Variants in EIF3K observed in about 807,000 individuals in gnomAD.
The protein encoded by EIF3K is eukaryotic translation initiation factor 3 subunit K, also known as eIF-3 p28.
In EIF3K, 27 loss-of-function variants were observed where a neutral mutation model predicts 34.2. The ratio of observed to expected loss-of-function variants is 0.79; its 90% confidence interval spans 0.58 to 1.09. The LOEUF is 1.09. Among genes scored for constraint, EIF3K ranks in the 50% least tolerant of loss-of-function variants. The pLI, the probability that EIF3K is intolerant of heterozygous loss-of-function variation, is 0.00. For missense variants in EIF3K, 232 were observed against 275.4 expected, an observed-to-expected ratio of 0.84 and a Z score of 1.11; for synonymous variants, 105 against 105.7, an observed-to-expected ratio of 0.99 and a Z score of 0.04.
At chr19:38,635,150 G>A (rs1471581322) in intron 7 of EIF3K, 32 bp downstream of exon 7, 2 of 1,613,814 alleles carry the variant, frequency 1.2e-6, no homozygotes, top group Non-Finnish European at 8.5e-7. Context: ...CGGGCTTTGG[G>A]GCTAAGGGGG....
chr19:38,620,267 C>T (rs1241362583), intron 1 of EIF3K, 70 bp from the exon 2 acceptor site: 1 of 1,333,430 alleles, frequency 7.5e-7, no homozygotes, highest in Non-Finnish European at 1.1e-6. Context: ...TACAGTGGCC[C>T]CTTGCTCCAT....
chr19:38,631,340 G>GCA (rs1308270642), intron 4 of EIF3K, among the ~76,000 whole-genome samples: 1 of 152,188 alleles, frequency 6.6e-6, no homozygotes, highest in African/African-American at 2.4e-5. Context: ...CGGAGAGGGG[G>GCA]ATGTGGCAGG....
intron 2 of EIF3K, among the ~76,000 whole-genome samples, chr19:38,623,018 A>C (rs1975876133): frequency 6.6e-6 from 1 of 152,188 alleles, no homozygotes; most frequent in Non-Finnish European, 1.5e-5. Context: ...TTTTGTAGTT[A>C]ACGCAATTAT....
chr19:38,630,347 A>ATTTTTTTTTTT (rs71165567), intron 4 of EIF3K, among the ~76,000 whole-genome samples: 1 of 124,332 alleles, frequency 8.0e-6, no homozygotes. Flanking sequence ...TTATTTATTT[A>ATTTTTTTTTTT]TTTTTTTTTT....
intron 2 of EIF3K, among the ~76,000 whole-genome samples, 194 bp downstream of exon 2, chr19:38,620,629 C>T (rs1975818957): frequency 6.6e-6 from 1 of 152,194 alleles, no homozygotes; most frequent in Admixed American, 6.5e-5. Context: ...CGCGGTGACT[C>T]ACGCCTGTTA....
chr19:38,623,003 G>A (rs993014174), intron 2 of EIF3K, among the ~76,000 whole-genome samples: 2 of 152,204 alleles, frequency 1.3e-5, no homozygotes, highest in South Asian at 2.1e-4. Flanking sequence ...CACATGTTGT[G>A]CAATTTTTGT....
At chr19:38,625,004 A>G (rs1975919295) in intron 3 of EIF3K, among the ~76,000 whole-genome samples, 2 of 152,118 alleles carry the variant, frequency 1.3e-5, no homozygotes, top group South Asian at 2.1e-4. Flanking sequence ...CATCTAAAAC[A>G]TAACGAGTTA....
intron 4 of EIF3K, chr19:38,626,451 C>T (rs915849975): frequency 3.8e-6 from 1 of 260,628 alleles, no homozygotes; most frequent in Non-Finnish European, 7.4e-6. Flanking sequence ...GCCAGGAGTT[C>T]CAGACCAGCC....
At position 38,626,070 on chromosome 19, in the gene EIF3K, C is replaced by G. The variant is rs1178291396; in HGVS notation, c.322C>G (p.Leu108Val). The G allele has an allele frequency of 6.2e-7, 1 of 1,614,080 alleles. No individual in the cohort carries two copies. The highest frequency in any genetic ancestry group is 1.3e-5 in the African/African-American group (1 of 74,936). Residue 108 changes from leucine to valine, a missense_variant, in exon 4 of 8, where the codon CTG becomes GTG. By Grantham distance (32) the Leu-to-Val change is conservative. Coordinates refer to ENST00000248342, the MANE Select transcript of EIF3K (RefSeq NM_013234.4). ...PIRQILYLGD[L>V]LETCHFQAFW... ...CCGACAGATTTTGTACCTCGGGGAC[C>G]TGCTGGAGACCTGCCATTTCCAGGC... is the stretch of plus-strand genomic sequence containing the variant.
At chr19:38,628,950 A>G (rs1298379228) in intron 4 of EIF3K, among the ~76,000 whole-genome samples, 1 of 151,768 alleles carries the variant, frequency 6.6e-6, no homozygotes. Context: ...TCTCACCTCA[A>G]CTTATGATCT....
chr19:38,630,339 A>ATTTTTTTTTTTT (rs1489845622), intron 4 of EIF3K, among the ~76,000 whole-genome samples: 10 of 136,562 alleles, frequency 7.3e-5, no homozygotes, highest in Admixed American at 1.5e-4. Flanking sequence ...TTATTTATTT[A>ATTTTTTTTTTTT]TTTATTTATT....
At chr19:38,619,547 A>G (rs1975792498) in intron 1 of EIF3K, among the ~76,000 whole-genome samples, 1 of 152,156 alleles carries the variant, frequency 6.6e-6, no homozygotes, top group African/African-American at 2.4e-5. Flanking sequence ...GGGTCGCCTG[A>G]GCCCAGGAGT....
chr19:38,628,431 GCTCACCCCC>G (rs2144772544), intron 4 of EIF3K: 1 of 152,500 alleles, frequency 6.6e-6, no homozygotes, highest in African/African-American at 2.4e-5. Context: ...TAGCTTCTCA[GCTCACCCCC>G]ACAGGGTCTC....
intron 3 of EIF3K, 107 bp downstream of exon 3, chr19:38,624,304 C>T: frequency 2.0e-6 from 3 of 1,523,824 alleles, no homozygotes; most frequent in South Asian, 2.4e-5. Flanking sequence ...ACAACAAGTG[C>T]CTGCTCTGGT....
At chr19:38,624,363 A>G (rs1051183818) in intron 3 of EIF3K, among the ~76,000 whole-genome samples, 166 bp downstream of exon 3, 1 of 152,146 alleles carries the variant, frequency 6.6e-6, no homozygotes. Flanking sequence ...TGACTGAGAC[A>G]GTCCTGGGCC....
chr19:38,626,263 G>C, intron 4 of EIF3K, 161 bp downstream of exon 4: 1 of 690,800 alleles, frequency 1.4e-6, no homozygotes, highest in African/African-American at 1.8e-5. Flanking sequence ...CGCGGAGCAG[G>C]TACTCACAGG....
At position 38,619,204 on chromosome 19, in the gene EIF3K, C is replaced by A. The variant is rs1241787613; in HGVS notation, c.-65C>A. ...TTCCACCACCTCTTCCTGTTCCCGT[C>A]CTTGAGGACGCCGTGCCGGGTCAGT... On this transcript the variant is annotated 5_prime_UTR_variant, in exon 1 of 8. Coordinates refer to ENST00000248342, the MANE Select transcript of EIF3K (RefSeq NM_013234.4). The A allele has an allele frequency of 1.0e-5, 16 of 1,581,368 alleles. No individual in the cohort carries two copies. Among genetic ancestry groups the A allele is most frequent in the Middle Eastern group, 1.7e-4 (1 of 6,016 alleles).
chr19:38,635,251 C>T, intron 7 of EIF3K, 133 bp downstream of exon 7: 1 of 1,319,810 alleles, frequency 7.6e-7, no homozygotes, highest in Non-Finnish European at 1.1e-6. Context: ...TGCCAGATTC[C>T]ATTCACCTTG....
intron 4 of EIF3K, among the ~76,000 whole-genome samples, chr19:38,630,250 T>G (rs1329309690): frequency 6.6e-6 from 1 of 150,750 alleles, no homozygotes; most frequent in Non-Finnish European, 1.5e-5. Flanking sequence ...GCCTCCCAGG[T>G]TCAAGTGATT....
Sources: gnomAD v4.1 joint callset for allele counts (sites outside exome capture counted in the v4.1 genomes callset) on GRCh38, gnomAD v4.1.1 for gene constraint, MANE v1.5 for transcripts, NCBI Gene and HGNC (gene_info 2026-07-23, HGNC 2026-07-21) for gene names.